The following CCNE2 variants were observed in gnomAD, a reference collection of about 807,000 sequenced individuals.
The protein encoded by CCNE2 is G1/S-specific cyclin-E2.
In CCNE2, 18 loss-of-function variants were observed where a neutral mutation model predicts 56.8. The observed-to-expected ratio is 0.32, with a 90% CI of 0.22 to 0.47. The LOEUF is 0.47. CCNE2 is among the 20% of genes least tolerant of loss of function. CCNE2 has a pLI of 1.00. For missense variants in CCNE2, 371 were observed against 467.1 expected, an observed-to-expected ratio of 0.79 and a Z score of 1.90; for synonymous variants, 139 against 149.2, an observed-to-expected ratio of 0.93 and a Z score of 0.50.
intron 6 of CCNE2, among the ~76,000 whole-genome samples, chr8:94,888,298 T>G (rs1817107283): frequency 6.6e-6 from 1 of 152,210 alleles, no homozygotes; most frequent in Admixed American, 6.5e-5. Flanking sequence ...ATTTTTCATA[T>G]TTTACTGCAC....
intron 7 of CCNE2, among the ~76,000 whole-genome samples, chr8:94,886,514 G>A (rs547757769): frequency 7.3e-5 from 11 of 150,514 alleles, no homozygotes; most frequent in South Asian, 2.1e-4. Flanking sequence ...TAAGACCAGC[G>A]TGAGCAACAA....
chr8:94,894,921 C>G (rs971397404), intron 1 of CCNE2, among the ~76,000 whole-genome samples: 5 of 152,196 alleles, frequency 3.3e-5, no homozygotes, highest in African/African-American at 1.2e-4. Context: ...CCCATCCTCT[C>G]TCCCACGGGA....
intron 7 of CCNE2, among the ~76,000 whole-genome samples, chr8:94,886,811 G>A (rs1197903011): frequency 6.6e-6 from 1 of 152,198 alleles, no homozygotes; most frequent in African/African-American, 2.4e-5. Flanking sequence ...TTGGCTAACA[G>A]GTCTGTTTTA....
Position 94,882,804 on chromosome 8 carries a change from A to G in CCNE2, c.920T>C (p.Ile307Thr), listed in dbSNP as rs754224823. The change falls in exon 10 of 12, where the codon ATT becomes ACT. Residue 307 changes from isoleucine to threonine, a missense_variant. By Grantham distance (89) the Ile-to-Thr change is moderately conservative. Coordinates refer to ENST00000308108, the MANE Select transcript of CCNE2 (RefSeq NM_057749.3). ...TAAALCHFTS[I>T]EVVKKASGLE... is the part of the protein sequence containing the mutation. The stretch of plus-strand genomic sequence containing the variant: ...ACCTGAGGCTTTCTTAACCACTTCA[A>G]TGGAGGTAAAATGGCACAAGGCAGC... 23 of 1,613,388 alleles carry G rather than the reference A, an allele frequency of 1.4e-5. No homozygotes were observed. Among genetic ancestry groups the G allele is most frequent in the South Asian group, 1.3e-4 (12 of 91,074 alleles).
intron 4 of CCNE2, chr8:94,893,640 C>T (rs1360800882): frequency 1.9e-5 from 10 of 519,276 alleles, no homozygotes; most frequent in Non-Finnish European, 1.7e-5. Context: ...GGCCCTGGTG[C>T]ACCAGGCAGT....
In CCNE2 at chr8:94,882,811, T is replaced by TA. The variant is rs1563679021; in HGVS notation, c.912dup (p.Thr305TyrfsTer4). On this transcript the variant is annotated frameshift_variant, in exon 10 of 12. Coordinates refer to ENST00000308108, the MANE Select transcript of CCNE2 (RefSeq NM_057749.3). LOFTEE classifies it high-confidence loss of function. ...GCTTTCTTAACCACTTCAATGGAGG[T>TA]AAAATGGCACAAGGCAGCAGCAGTC... 1.9e-6 allele frequency: 3 copies of TA among 1,613,432 alleles called. No individual in the cohort carries two copies. The African/African-American group carries it at 4.0e-5, about 22-fold the overall frequency.
At chr8:94,891,785 G>C in intron 5 of CCNE2, 1 of 1,471,414 alleles carries the variant, frequency 6.8e-7, no homozygotes, top group Non-Finnish European at 9.4e-7. Flanking sequence ...CAGTGGGACT[G>C]GACACAAGGT....
chr8:94,889,084 G>A (rs1281792673), intron 6 of CCNE2, among the ~76,000 whole-genome samples: 1 of 151,820 alleles, frequency 6.6e-6, no homozygotes, highest in African/African-American at 2.4e-5. Context: ...AGATGCAGAG[G>A]TTGCAGTGAG....
At chr8:94,886,730 G>T (rs1038714961) in intron 7 of CCNE2, among the ~76,000 whole-genome samples, 2 of 152,052 alleles carry the variant, frequency 1.3e-5, no homozygotes, top group African/African-American at 4.8e-5. Context: ...AACAAATAAG[G>T]TCTAGAAACT....
chr8:94,896,375 T>C (rs1375251061), upstream of CCNE2: 6 of 151,564 alleles, frequency 4.0e-5, no homozygotes, highest in Admixed American at 3.3e-4. Flanking sequence ...CCCGACGCTC[T>C]TCCTTTATCC....
At chr8:94,884,608 A>G (rs908928531) in intron 9 of CCNE2, 2 of 154,770 alleles carry the variant, frequency 1.3e-5, no homozygotes, top group Non-Finnish European at 2.9e-5. Context: ...CTCCTCCTCT[A>G]CTTACTTACT....
intron 9 of CCNE2, among the ~76,000 whole-genome samples, chr8:94,883,466 G>C (rs1371147733): frequency 1.3e-5 from 2 of 152,064 alleles, no homozygotes; most frequent in Admixed American, 6.5e-5. Flanking sequence ...GAATGTTCTA[G>C]GTATAGGGAC....
In CCNE2 at chr8:94,881,530, G is replaced by T; in HGVS notation, c.*102C>A. ...CAGTGTAACTTGTGAATTGGCTAGG[G>T]CAATCAATCACAGCACTACTTTCTG... On this transcript the variant is annotated 3_prime_UTR_variant, in exon 12 of 12. Coordinates refer to ENST00000308108, the MANE Select transcript of CCNE2 (RefSeq NM_057749.3). 8.6e-7 allele frequency: 1 copy of T among 1,159,758 alleles called. No individual in the cohort carries two copies. Among genetic ancestry groups the T allele is most frequent in the Non-Finnish European group, 1.2e-6 (1 of 815,026 alleles). 71.8% of individuals were successfully genotyped at this position (1,159,758 alleles called of 1,614,324 possible).
In CCNE2 at chr8:94,881,219, C is replaced by CGT. The variant is rs1182804895; in HGVS notation, c.*412_*413insAC. 3.5e-5 allele frequency: 13 copies of CGT among 367,662 alleles called. No homozygotes were observed. The highest frequency in any genetic ancestry group is 6.3e-5 in the Non-Finnish European group (13 of 207,592). The allele number at this position is 367,662 out of a possible 1,614,324, so 22.8% of individuals were successfully genotyped here. On this transcript the variant is annotated 3_prime_UTR_variant, in exon 12 of 12. Coordinates refer to ENST00000308108, the MANE Select transcript of CCNE2 (RefSeq NM_057749.3). ...TCAAGAGTGTAGGAATTTTGAGAAT[C>CGT]TAACAACTAGATTCAAAGTACTGTA...
In CCNE2 at chr8:94,881,829, C is replaced by T. The variant is rs549516353; in HGVS notation, c.1102-84G>A. On this transcript the variant is annotated intron_variant, in intron 11 of 11. Transcript: ENST00000308108. ...GGGTACTTATTTGAGATTATTTAGG[C>T]CTAATTTTAATAGTCTTTTTATGTC... 12 of 1,519,794 alleles carry T rather than the reference C, an allele frequency of 7.9e-6. No individual in the cohort carries two copies. In the East Asian group the frequency reaches 1.4e-4, roughly 17 times the overall value. The allele number at this position is 1,519,794 out of a possible 1,614,324, so 94.1% of individuals were successfully genotyped here. A position where few individuals can be genotyped will look rare whatever the true frequency, so the allele number is the denominator to read the frequency against.
chr8:94,896,580 C>G (rs1817606805), upstream of CCNE2: 1 of 152,032 alleles, frequency 6.6e-6, no homozygotes, highest in Admixed American at 6.6e-5. Flanking sequence ...AGTGCGAAGG[C>G]GTCTCGGAAC....
At position 94,885,194 on chromosome 8, in the gene CCNE2, T is replaced by C. The variant is rs1285199940; in HGVS notation, c.704A>G (p.Lys235Arg). ...GATTGTTACAGGACAAAGTTCCCATTTTAAAGCCTATTAAACAAAATTTAA... is the reference window on the plus strand; with the variant it reads ...GATTGTTACAGGACAAAGTTCCCATCTTAAAGCCTATTAAACAAAATTTAA... Reference protein sequence around the residue: ...RMELIILKALKWELCPVTIIS... With the variant: ...RMELIILKALRWELCPVTIIS... Residue 235 changes from lysine to arginine, a missense_variant, in exon 9 of 12, where the codon AAA (lysine) becomes AGA (arginine). Physicochemically the swap from Lys to Arg is conservative, Grantham distance 26 (BLOSUM62 2). Coordinates refer to ENST00000308108, the MANE Select transcript of CCNE2 (RefSeq NM_057749.3). 3 of 1,613,592 alleles carry C rather than the reference T, an allele frequency of 1.9e-6. No individual in the cohort carries two copies. Among genetic ancestry groups the C allele is most frequent in the Non-Finnish European group, 2.5e-6 (3 of 1,179,746 alleles).
chr8:94,887,449 G>C lies in CCNE2; in HGVS notation c.600+478C>G, dbSNP rs528742089. 3.9e-5 allele frequency among the ~76,000 whole-genome samples: 6 copies of C among 152,146 alleles called. 1 individual carries two copies. The highest frequency in any genetic ancestry group is 1.4e-4 in the African/African-American group (6 of 41,490). Reference sequence around the variant, plus strand: ...GAACCTGGGAGGCGGAGGTTGCAGAGAGCCAAGATCGCGCCATTGCACTCC... The same window carrying C: ...GAACCTGGGAGGCGGAGGTTGCAGACAGCCAAGATCGCGCCATTGCACTCC... On this transcript the variant is annotated intron_variant, in intron 7 of 11. Coordinates refer to ENST00000308108, the MANE Select transcript of CCNE2 (RefSeq NM_057749.3).
intron 9 of CCNE2, among the ~76,000 whole-genome samples, chr8:94,884,275 T>C (rs1451338800): frequency 6.6e-6 from 1 of 152,100 alleles, no homozygotes; most frequent in African/African-American, 2.4e-5. Context: ...TCACTTTTGT[T>C]ATATGGCAGA....
Sources: gnomAD v4.1 joint callset for allele counts (sites outside exome capture counted in the v4.1 genomes callset) on GRCh38, gnomAD v4.1.1 for gene constraint, MANE v1.5 for transcripts, NCBI Gene and HGNC (gene_info 2026-07-23, HGNC 2026-07-21) for gene names.